The following NDRG1 variants were observed in gnomAD, a reference collection of about 807,000 sequenced individuals.
NDRG1 encodes N-myc downstream regulated 1.
In NDRG1, 32 loss-of-function variants were observed where a neutral mutation model predicts 56.9. The ratio of observed to expected loss-of-function variants is 0.56; its 90% CI spans 0.42 to 0.76. The LOEUF (loss-of-function observed/expected upper bound fraction) is 0.76. Among genes scored for constraint, NDRG1 ranks in the 30% least tolerant of loss-of-function variants. The probability of loss-of-function intolerance (pLI) is 0.00; values close to 1 mark genes in which losing one functional copy is unlikely to be tolerated. For synonymous variants in NDRG1, 211 were observed against 204.1 expected, an observed-to-expected ratio of 1.03 and a Z score of -0.29; for missense variants, 507 against 545.7, an observed-to-expected ratio of 0.93 and a Z score of 0.71.
chr8:133,237,317 G>C lies in NDRG1; in HGVS notation c.*1561C>G, dbSNP rs951718518. ...CCCCGACTTTTCTACTCAAGGCCAG[G>C]GAAGGCCTCCAAGGTGATGGGCGGC... On this transcript the variant is annotated 3_prime_UTR_variant, in exon 16 of 16. Coordinates refer to ENST00000323851, the MANE Select transcript of NDRG1 (RefSeq NM_006096.4). The C allele has an allele frequency of 8.6e-6, 2 of 232,054 alleles. No individual in the cohort carries two copies. Among genetic ancestry groups the C allele is most frequent in the Non-Finnish European group, 1.7e-5 (2 of 117,318 alleles). The allele number at this position is 232,054 out of a possible 1,614,324, so 14.4% of individuals were successfully genotyped here.
chr8:133,290,336 AG>A (rs1375373312), intron 1 of NDRG1, among the ~76,000 whole-genome samples: 1 of 152,160 alleles, frequency 6.6e-6, no homozygotes, highest in African/African-American at 2.4e-5. Context: ...CCACAAAAAC[AG>A]CACCAGGAAC....
chr8:133,250,630 A>T, intron 9 of NDRG1, 87 bp from the exon 10 acceptor site: 1 of 1,146,756 alleles, frequency 8.7e-7, no homozygotes. Context: ...GGTTATTTGG[A>T]GACAAAGTAA....
intron 9 of NDRG1, among the ~76,000 whole-genome samples, chr8:133,253,806 C>T (rs947482994): frequency 3.3e-5 from 5 of 152,182 alleles, no homozygotes; most frequent in African/African-American, 1.2e-4. Flanking sequence ...TCAAGCAATC[C>T]TCCTGCCTCA....
chr8:133,279,204 C>T (rs1314809434), intron 3 of NDRG1, among the ~76,000 whole-genome samples: 2 of 152,112 alleles, frequency 1.3e-5, no homozygotes, highest in African/African-American at 4.8e-5. Flanking sequence ...TTCTTAAACA[C>T]TGAGGTCAGG....
intron 5 of NDRG1, among the ~76,000 whole-genome samples, chr8:133,260,039 G>A (rs1856585258): frequency 6.6e-6 from 1 of 152,206 alleles, no homozygotes; most frequent in Non-Finnish European, 1.5e-5. Context: ...CTGAGAAGCC[G>A]CAGGGCAGAA....
At chr8:133,249,064 G>A (rs187681188) in intron 10 of NDRG1, among the ~76,000 whole-genome samples, 2 of 152,170 alleles carry the variant, frequency 1.3e-5, no homozygotes, top group East Asian at 3.9e-4. Context: ...CACCATAGAG[G>A]GTCCCCGCCT....
At chr8:133,246,247 G>T (rs1407479384) in intron 13 of NDRG1, among the ~76,000 whole-genome samples, 1 of 152,218 alleles carries the variant, frequency 6.6e-6, no homozygotes, top group Non-Finnish European at 1.5e-5. Context: ...GCTGGACAAA[G>T]TCCTGACCTT....
At chr8:133,285,590 G>A (rs1232625650) in intron 1 of NDRG1, among the ~76,000 whole-genome samples, 4 of 152,166 alleles carry the variant, frequency 2.6e-5, no homozygotes, top group East Asian at 1.9e-4. Flanking sequence ...GAGGTCAGCC[G>A]GCAAGTGCGG....
chr8:133,290,594 G>A (rs1365785946), intron 1 of NDRG1, among the ~76,000 whole-genome samples: 2 of 152,116 alleles, frequency 1.3e-5, no homozygotes, highest in East Asian at 1.9e-4. Flanking sequence ...ACCACCACCC[G>A]TGGCCCAGAT....
At chr8:133,248,358 T>A (rs1341289533) in intron 11 of NDRG1, among the ~76,000 whole-genome samples, 1 of 152,202 alleles carries the variant, frequency 6.6e-6, no homozygotes, top group Non-Finnish European at 1.5e-5. Context: ...CTTTTCCTCC[T>A]AGGTGTATGG....
intron 9 of NDRG1, among the ~76,000 whole-genome samples, chr8:133,250,924 A>C (rs909298902): frequency 1.6e-4 from 25 of 151,824 alleles, no homozygotes; most frequent in Admixed American, 5.2e-4. Flanking sequence ...AAAAAAAAAA[A>C]AAAAGGGAAG....
At chr8:133,250,290 G>A (rs1271304450) in intron 10 of NDRG1, 150 bp downstream of exon 10, 5 of 767,496 alleles carry the variant, frequency 6.5e-6, no homozygotes, top group East Asian at 2.6e-5. Flanking sequence ...TGTCCTTCCT[G>A]GGGACACCTG....
intron 4 of NDRG1, among the ~76,000 whole-genome samples, chr8:133,262,651 T>G (rs1037907978): frequency 9.2e-5 from 14 of 152,344 alleles, no homozygotes; most frequent in African/African-American, 3.4e-4. Context: ...TCCTCACTGC[T>G]GAAGCCTAAG....
In NDRG1 at chr8:133,237,738, G is replaced by GT. The variant is rs1361546905; in HGVS notation, c.*1139dup. On this transcript the variant is annotated 3_prime_UTR_variant, in exon 16 of 16. Coordinates refer to ENST00000323851, the MANE Select transcript of NDRG1 (RefSeq NM_006096.4). ...CAAAGAGTTCTGAGGATCCAAGAACGTGACCGGGTCAGACAGGTTCAGCTA... is the reference window on the plus strand; with the variant it reads ...CAAAGAGTTCTGAGGATCCAAGAACGTTGACCGGGTCAGACAGGTTCAGCTA... 1.8e-5 allele frequency: 3 copies of GT among 166,570 alleles called. No homozygotes were observed. The highest frequency in any genetic ancestry group is 1.6e-4 in the Admixed American group (2 of 12,778). 10.3% of individuals were successfully genotyped at this position (166,570 alleles called of 1,614,324 possible).
At chr8:133,257,517 G>A (rs751686214) in intron 7 of NDRG1, among the ~76,000 whole-genome samples, 17 of 152,082 alleles carry the variant, frequency 1.1e-4, no homozygotes, top group Non-Finnish European at 1.6e-4. Context: ...AGCATATGAC[G>A]CTACCCAATA....
chr8:133,260,252 G>A (rs190233804), intron 5 of NDRG1, among the ~76,000 whole-genome samples: 1 of 152,182 alleles, frequency 6.6e-6, no homozygotes, highest in East Asian at 1.9e-4. Flanking sequence ...CCGGGGCCAG[G>A]AGGAGCCCAG....
At chr8:133,272,370 C>T (rs1266618443) in intron 3 of NDRG1, among the ~76,000 whole-genome samples, 4 of 152,098 alleles carry the variant, frequency 2.6e-5, no homozygotes, top group African/African-American at 4.8e-5. Context: ...GAGCTGAGCC[C>T]GCTGCTGTGT....
chr8:133,259,564 A>G (rs1401699668), intron 5 of NDRG1: 21 of 406,306 alleles, frequency 5.2e-5, no homozygotes, highest in African/African-American at 3.7e-4. Context: ...TCACAAGAGC[A>G]GTAGATGGTT....
intron 3 of NDRG1, among the ~76,000 whole-genome samples, chr8:133,277,728 G>A (rs1857534181): frequency 6.6e-6 from 1 of 152,150 alleles, no homozygotes; most frequent in African/African-American, 2.4e-5. Flanking sequence ...AAAATAATTC[G>A]GGAAAACACT....
Sources: allele counts gnomAD v4.1 joint callset (sites outside exome capture counted in the v4.1 genomes callset), GRCh38; gene constraint gnomAD v4.1.1; transcripts MANE v1.5; gene names NCBI Gene and HGNC (gene_info 2026-07-23, HGNC 2026-07-21).